Variants in DGKB observed in about 807,000 individuals in gnomAD.
DGKB encodes the protein diacylglycerol kinase beta.
In DGKB, 67 loss-of-function variants were observed where a neutral mutation model predicts 114.3. The observed-to-expected ratio is 0.59, with a 90% confidence interval of 0.48 to 0.72. The LOEUF is 0.72. DGKB is among the 30% of genes least tolerant of loss of function. The pLI, the probability that DGKB is intolerant of heterozygous loss-of-function variation, is 0.00. For synonymous variants in DGKB, 398 were observed against 323.1 expected, an observed-to-expected ratio of 1.23 and a Z score of -2.49; for missense variants, 907 against 975.2, an observed-to-expected ratio of 0.93 and a Z score of 0.93.
At chr7:14,879,774 T>C (rs1176743292) in intron 1 of DGKB, among the ~76,000 whole-genome samples, 1 of 152,204 alleles carries the variant, frequency 6.6e-6, no homozygotes, top group African/African-American at 2.4e-5. Context: ...TATAAGACTT[T>C]TGTATGACAA....
chr7:14,323,190 T>C (rs1037846455), intron 23 of DGKB, among the ~76,000 whole-genome samples: 8 of 152,180 alleles, frequency 5.3e-5, no homozygotes, highest in African/African-American at 1.4e-4. Flanking sequence ...AAAGGCCAGA[T>C]GCAAATCAAT....
intron 21 of DGKB, among the ~76,000 whole-genome samples, chr7:14,352,353 T>C (rs965077439): frequency 1.3e-5 from 2 of 152,192 alleles, no homozygotes; most frequent in Admixed American, 6.5e-5. Context: ...GTTATTTAAG[T>C]ATTTTGATGT....
At chr7:14,159,612 G>A (rs189038800) in intron 25 of DGKB, among the ~76,000 whole-genome samples, 251 of 152,282 alleles carry the variant, frequency 1.6e-3, no homozygotes, top group African/African-American at 5.5e-3. Flanking sequence ...CAAAATGTCA[G>A]CAGCTTCATA....
At chr7:14,463,863 C>A (rs1354028089) in intron 21 of DGKB, among the ~76,000 whole-genome samples, 1 of 152,048 alleles carries the variant, frequency 6.6e-6, no homozygotes, top group African/African-American at 2.4e-5. Context: ...CATACCCCAG[C>A]CTTTAAGAAA....
chr7:14,783,923 T>C (rs2128492876), intron 2 of DGKB, among the ~76,000 whole-genome samples: 1 of 152,354 alleles, frequency 6.6e-6, no homozygotes, highest in East Asian at 1.9e-4. Context: ...AAATGATCCC[T>C]TGTTAAATTT....
chr7:14,829,943 G>A (rs1395824536), intron 2 of DGKB, among the ~76,000 whole-genome samples: 46 of 152,180 alleles, frequency 3.0e-4, no homozygotes, highest in Non-Finnish European at 1.5e-5. Context: ...CCAAGGGAGG[G>A]AGAAGGCACT....
intron 23 of DGKB, among the ~76,000 whole-genome samples, chr7:14,231,945 T>C (rs1431125754): frequency 3.3e-5 from 5 of 152,010 alleles, no homozygotes; most frequent in Admixed American, 6.6e-5. Flanking sequence ...TAAAGCCTCA[T>C]TCGGTGGGTT....
chr7:14,545,416 G>C (rs1257688653), intron 20 of DGKB, among the ~76,000 whole-genome samples: 1 of 152,258 alleles, frequency 6.6e-6, no homozygotes, highest in African/African-American at 2.4e-5. Context: ...CAAAGAGATT[G>C]GGACTCTTTC....
chr7:14,936,317 T>C (rs1182476833), intron 1 of DGKB, among the ~76,000 whole-genome samples: 1 of 151,966 alleles, frequency 6.6e-6, no homozygotes, highest in Non-Finnish European at 1.5e-5. Flanking sequence ...AGGAGCAAAA[T>C]GAAAAGGAGG....
intron 5 of DGKB, among the ~76,000 whole-genome samples, chr7:14,735,548 C>A (rs1328417828): frequency 6.6e-6 from 1 of 152,094 alleles, no homozygotes. Context: ...TAAAAAGCTA[C>A]CCATAATGAG....
intron 2 of DGKB, among the ~76,000 whole-genome samples, chr7:14,778,275 CA>C (rs1159237192): frequency 2.0e-5 from 3 of 152,106 alleles, no homozygotes; most frequent in Non-Finnish European, 4.4e-5. Context: ...TGAGCAATCT[CA>C]AGGCTTTTCC....
intron 23 of DGKB, among the ~76,000 whole-genome samples, chr7:14,259,484 T>C (rs554970204): frequency 1.3e-5 from 2 of 151,944 alleles, no homozygotes; most frequent in Admixed American, 1.3e-4. Context: ...TGGAGTGCGG[T>C]GGCGTGATCT....
At chr7:14,212,435 CTCTCA>C (rs1379280784) in intron 23 of DGKB, among the ~76,000 whole-genome samples, 1 of 133,680 alleles carries the variant, frequency 7.5e-6, no homozygotes, top group East Asian at 2.0e-4. Context: ...GTGATATTTA[CTCTCA>C]TGTTTTGTGT....
intron 13 of DGKB, among the ~76,000 whole-genome samples, chr7:14,632,271 T>A (rs1464872293): frequency 1.3e-5 from 2 of 151,886 alleles, no homozygotes; most frequent in African/African-American, 4.8e-5. Flanking sequence ...TTTTCTTAGG[T>A]GAGAGTATAA....
chr7:14,892,054 T>C (rs1781322393), intron 1 of DGKB, among the ~76,000 whole-genome samples: 1 of 151,438 alleles, frequency 6.6e-6, no homozygotes, highest in African/African-American at 2.4e-5. Context: ...GCAATAGAGC[T>C]ATTTATATTG....
intron 21 of DGKB, among the ~76,000 whole-genome samples, chr7:14,387,184 G>A (rs895441494): frequency 4.6e-5 from 7 of 151,884 alleles, no homozygotes; most frequent in African/African-American, 7.3e-5. Context: ...AGCACTTTGG[G>A]AGGCCAAGTT....
At chr7:14,337,005 T>A (rs766431180) in intron 23 of DGKB, among the ~76,000 whole-genome samples, 11 of 152,170 alleles carry the variant, frequency 7.2e-5, no homozygotes, top group Non-Finnish European at 1.5e-4. Context: ...AGTGAAAATA[T>A]TTTTAAGGAA....
In DGKB at chr7:14,278,105, T is replaced by C. The variant is rs527613501; in HGVS notation, c.2122+60410A>G. Among the ~76,000 whole-genome samples the C allele has an allele frequency of 5.1e-4, 77 of 152,288 alleles. 1 individual carries two copies. In the South Asian group the frequency reaches 0.014, roughly 29 times the overall value. On this transcript the variant is annotated intron_variant, in intron 23 of 25. Transcript: ENST00000402815. ...GTCTACAGATTCAGTGCAATTCCTA[T>C]GAAAATCCCAATGCCATTTTGGAAA... is the stretch of plus-strand genomic sequence containing the variant.
intron 23 of DGKB, among the ~76,000 whole-genome samples, chr7:14,285,703 A>G (rs1800765357): frequency 6.6e-6 from 1 of 152,154 alleles, no homozygotes; most frequent in African/African-American, 2.4e-5. Context: ...TTTGAAAACA[A>G]TTATGAAATA....
Sources: allele counts gnomAD v4.1 joint callset (sites outside exome capture counted in the v4.1 genomes callset), GRCh38; gene constraint gnomAD v4.1.1; transcripts MANE v1.5; gene names NCBI Gene and HGNC (gene_info 2026-07-23, HGNC 2026-07-21).